The following DOT1L variants were observed in gnomAD, a reference collection of about 807,000 sequenced individuals.
DOT1L encodes DOT1 like histone lysine methyltransferase.
DOT1L carries 33 observed loss-of-function variants against 153.3 expected under a neutral mutation model. That is an observed-to-expected ratio of 0.22 (90% CI 0.16 to 0.29). The LOEUF (loss-of-function observed/expected upper bound fraction) is 0.29, where lower values mean the gene tolerates loss of function less well. Ranked by LOEUF, DOT1L falls within the 10% of genes least tolerant of loss-of-function variation. The probability of loss-of-function intolerance (pLI) is 1.00; values close to 1 mark genes in which losing one functional copy is unlikely to be tolerated. For missense variants in DOT1L, 1,847 were observed against 2,119.9 expected, an observed-to-expected ratio of 0.87 and a Z score of 2.53; for synonymous variants, 1,135 against 965.1, an observed-to-expected ratio of 1.18 and a Z score of -3.26.
At position 2,190,501 on chromosome 19, in the gene DOT1L, A is replaced by C. The variant is rs934230519; in HGVS notation, c.265-511A>C. On this transcript the variant is annotated intron_variant, in intron 4 of 27. Coordinates refer to ENST00000398665, the MANE Select transcript of DOT1L (RefSeq NM_032482.3). This position sits in a 1 kb window ranked among gnomAD's most constrained non-coding sequence, Gnocchi z 4.8. The stretch of plus-strand genomic sequence containing the variant: ...GGCTTCCCCTCAACCTCATGCATGC[A>C]GCTCTGTGGGCCCCTGAGAGCTGAG... 2.6e-5 allele frequency among the ~76,000 whole-genome samples: 4 copies of C among 152,042 alleles called. No homozygotes were observed. Among genetic ancestry groups the C allele is most frequent in the Non-Finnish European group, 5.9e-5 (4 of 68,004 alleles).
intron 7 of DOT1L, among the ~76,000 whole-genome samples, chr19:2,199,586 C>G (rs1367506478): frequency 6.6e-6 from 1 of 152,204 alleles, no homozygotes; most frequent in Non-Finnish European, 1.5e-5. Flanking sequence ...GCGTGGCTTG[C>G]AGGTGTGTGT....
chr19:2,195,563 A>G (rs892831904), intron 7 of DOT1L, among the ~76,000 whole-genome samples: 2 of 152,040 alleles, frequency 1.3e-5, no homozygotes, highest in Admixed American at 1.3e-4. Flanking sequence ...GATGCTTCCT[A>G]TTCTAGACCT....
At position 2,229,885 on chromosome 19, in the gene DOT1L, C is replaced by G; in HGVS notation, c.*93C>G. The G allele has an allele frequency of 3.1e-6, 5 of 1,608,064 alleles. No homozygotes were observed. Among genetic ancestry groups the G allele is most frequent in the Non-Finnish European group, 4.2e-6 (5 of 1,178,056 alleles). ...CCCGCCGGCCTGCCGGGCTCCCACC[C>G]CTGGACGGCAGAGGCAAGGACGGAC... On this transcript the variant is annotated 3_prime_UTR_variant, in exon 28 of 28. Transcript: ENST00000398665.
chr19:2,220,341 C>A lies in DOT1L; in HGVS notation c.2806+119C>A. On this transcript the variant is annotated intron_variant, in intron 23 of 27. Coordinates refer to ENST00000398665, the MANE Select transcript of DOT1L (RefSeq NM_032482.3). The surrounding 1 kb of genome is among the most constrained non-coding windows in gnomAD (Gnocchi z 4.5). Reference sequence around the variant, plus strand: ...CCTGGGGTGATCATGGGGGCTGCTGCCCCAAACCGCCACGCCTCATTACTG... The same window carrying A: ...CCTGGGGTGATCATGGGGGCTGCTGACCCAAACCGCCACGCCTCATTACTG... The A allele has an allele frequency of 1.0e-6, 1 of 978,916 alleles. No homozygotes were observed. The highest frequency in any genetic ancestry group is 1.6e-6 in the Non-Finnish European group (1 of 637,258). 60.6% of individuals were successfully genotyped at this position (978,916 alleles called of 1,614,324 possible).
chr19:2,196,380 T>C (rs942544712), intron 7 of DOT1L, among the ~76,000 whole-genome samples: 7 of 152,350 alleles, frequency 4.6e-5, no homozygotes, highest in African/African-American at 1.7e-4. Flanking sequence ...TCGCCCAGGC[T>C]GGAGGGCAGT....
Position 2,181,143 on chromosome 19 carries a change from C to T in DOT1L, c.125+387C>T, listed in dbSNP as rs1246610066. 3.3e-5 allele frequency among the ~76,000 whole-genome samples: 5 copies of T among 152,320 alleles called. No homozygotes were observed. The South Asian group carries it at 8.3e-4, about 25-fold the overall frequency. ...GGGGGTGACTTGGATGGGCAGGAGG[C>T]GGAGGCCGTCCTGTCCTCGTAAGCT... On this transcript the variant is annotated intron_variant, in intron 2 of 27. Coordinates refer to ENST00000398665, the MANE Select transcript of DOT1L (RefSeq NM_032482.3).
At chr19:2,202,852 G>T in intron 9 of DOT1L, 73 bp downstream of exon 9, 1 of 1,519,840 alleles carries the variant, frequency 6.6e-7, no homozygotes, top group East Asian at 2.3e-5. Context: ...GTCCCCGCAG[G>T]GTGTCCTGCA....
At chr19:2,202,562 C>G (rs1306752823) in intron 8 of DOT1L, 138 bp from the exon 9 acceptor site, 1 of 797,398 alleles carries the variant, frequency 1.3e-6, no homozygotes, top group African/African-American at 1.7e-5. Flanking sequence ...GTGCGCTCAG[C>G]TGCGTGGGCT....
At position 2,207,995 on chromosome 19, in the gene DOT1L, C is replaced by A. The variant is rs999294776; in HGVS notation, c.963+315C>A. 7.2e-5 allele frequency among the ~76,000 whole-genome samples: 11 copies of A among 152,130 alleles called. No homozygotes were observed. Among genetic ancestry groups the A allele is most frequent in the African/African-American group, 2.7e-4 (11 of 41,436 alleles). Reference sequence around the variant, plus strand: ...GTGTGACCATAAGGGTCCCGGCCGCCATATCCAGAGGCCCCTGTGGATAGG... The same window carrying A: ...GTGTGACCATAAGGGTCCCGGCCGCAATATCCAGAGGCCCCTGTGGATAGG... On this transcript the variant is annotated intron_variant, in intron 11 of 27. Coordinates refer to ENST00000398665, the MANE Select transcript of DOT1L (RefSeq NM_032482.3). This position sits in a 1 kb window ranked among gnomAD's most constrained non-coding sequence, Gnocchi z 4.5.
chr19:2,186,189 G>A (rs1450869421), intron 3 of DOT1L, among the ~76,000 whole-genome samples: 1 of 152,264 alleles, frequency 6.6e-6, no homozygotes, highest in African/African-American at 2.4e-5. Flanking sequence ...GTCAGCCCGC[G>A]CTAGTGATCG....
chr19:2,166,493 C>T (rs1448132222), intron 1 of DOT1L, among the ~76,000 whole-genome samples: 1 of 146,214 alleles, frequency 6.8e-6, no homozygotes, highest in African/African-American at 2.4e-5. Context: ...CTCACTGCAT[C>T]GTCTGCCTCC....
Position 2,226,463 on chromosome 19 carries a change from C to T in DOT1L, c.3942C>T (p.Asn1314=), listed in dbSNP as rs199889501. ...DGLSPGTNPA[N]GCTFGGGLAA... ...TCAGCCCGGGCACCAACCCTGCCAA[C>T]GGCTGCACCTTCGGCGGGGGCCTGG... The change falls in exon 27 of 28, where the codon AAC becomes AAT. Residue 1314 remains asparagine (N), a synonymous_variant. Coordinates refer to ENST00000398665, the MANE Select transcript of DOT1L (RefSeq NM_032482.3). The T allele has an allele frequency of 3.9e-5, 63 of 1,601,846 alleles. No homozygotes were observed. The highest frequency in any genetic ancestry group is 1.3e-4 in the Admixed American group (8 of 59,942).
Position 2,229,949 on chromosome 19 carries a change from G to C in DOT1L, c.*157G>C, listed in dbSNP as rs1599635091. On this transcript the variant is annotated 3_prime_UTR_variant, in exon 28 of 28. Transcript: ENST00000398665. ...TGAATCGGCGGCACGCGCCGCAGGA[G>C]GCTGGGACTGGTCCAGTTTGTACTG... 5.7e-6 allele frequency: 7 copies of C among 1,236,510 alleles called. No individual in the cohort carries two copies. Among genetic ancestry groups the C allele is most frequent in the African/African-American group, 1.5e-5 (1 of 67,178 alleles). The allele number at this position is 1,236,510 out of a possible 1,614,324, so 76.6% of individuals were successfully genotyped here. A position where few individuals can be genotyped will look rare whatever the true frequency, so the allele number is the denominator to read the frequency against.
chr19:2,181,376 G>A (rs544789939), intron 2 of DOT1L, among the ~76,000 whole-genome samples: 1 of 152,284 alleles, frequency 6.6e-6, no homozygotes, highest in Non-Finnish European at 1.5e-5. Flanking sequence ...TAGCATACTG[G>A]GCTGTGAGGA....
chr19:2,181,071 G>GACGGCCTCC (rs2022208613), intron 2 of DOT1L, among the ~76,000 whole-genome samples: 1 of 152,160 alleles, frequency 6.6e-6, no homozygotes, highest in Non-Finnish European at 1.5e-5. Flanking sequence ...ACGCGCCCTC[G>GACGGCCTCC]ACGGCCTCCT....
intron 1 of DOT1L, among the ~76,000 whole-genome samples, chr19:2,174,139 C>T (rs1007880729): frequency 6.6e-6 from 1 of 152,228 alleles, no homozygotes. Context: ...GGCTGTTGCA[C>T]ATGGGCTAGT....
In DOT1L at chr19:2,191,627, T is replaced by C. The variant is rs2022798556; in HGVS notation, c.493+387T>C. The stretch of plus-strand genomic sequence containing the variant: ...CACCCACGGCTGCAGCCTGCCGCAG[T>C]CCTTCCCTGGGCACACCTGCTCCCT... On this transcript the variant is annotated intron_variant, in intron 5 of 27. Transcript: ENST00000398665. The surrounding 1 kb of genome is among the most constrained non-coding windows in gnomAD (Gnocchi z 6.8). Among the ~76,000 whole-genome samples, 2 of 152,098 alleles carry C rather than the reference T, an allele frequency of 1.3e-5. No homozygotes were observed. Among genetic ancestry groups the C allele is most frequent in the Admixed American group, 1.3e-4 (2 of 15,284 alleles).
At chr19:2,185,750 C>T in intron 2 of DOT1L, 105 bp from the exon 3 acceptor site, 1 of 1,246,768 alleles carries the variant, frequency 8.0e-7, no homozygotes, top group Non-Finnish European at 1.2e-6. Flanking sequence ...GCCTGGGCAA[C>T]AGAGTGAGAC....
chr19:2,193,549 A>G lies in DOT1L; in HGVS notation c.494-140A>G. On this transcript the variant is annotated intron_variant, in intron 5 of 27. Transcript: ENST00000398665. This position sits in a 1 kb window ranked among gnomAD's most constrained non-coding sequence, Gnocchi z 5.9. ...GAAGGATCCTGAGTGACCTTGGAGC[A>G]TCGGATATGTGTGGAGACTGTGGCC... The G allele has an allele frequency of 1.5e-6, 1 of 686,738 alleles. No homozygotes were observed. The highest frequency in any genetic ancestry group is 1.9e-5 in the South Asian group (1 of 51,450). The allele number at this position is 686,738 out of a possible 1,614,324, so 42.5% of individuals were successfully genotyped here. A position where few individuals can be genotyped will look rare whatever the true frequency, so the allele number is the denominator to read the frequency against.
Sources: allele counts gnomAD v4.1 joint callset (sites outside exome capture counted in the v4.1 genomes callset), GRCh38; gene constraint gnomAD v4.1.1; non-coding constraint Gnocchi (gnomAD v3.1); transcripts MANE v1.5; gene names NCBI Gene and HGNC (gene_info 2026-07-23, HGNC 2026-07-21).